CACNA1S: variants seen among roughly 807,000 people sequenced by gnomAD.
CACNA1S encodes the protein voltage-dependent L-type calcium channel subunit alpha-1S.
A neutral mutation model predicts 207.4 loss-of-function variants in CACNA1S; 126 were observed. The observed-to-expected ratio is 0.61, with a 90% CI of 0.53 to 0.70. The LOEUF (loss-of-function observed/expected upper bound fraction) is 0.70. Ranked by LOEUF, CACNA1S falls within the 30% of genes least tolerant of loss-of-function variation. The pLI is 0.00. For synonymous variants in CACNA1S, 960 were observed against 932.7 expected (o/e 1.03, Z -0.53); for missense variants, 2,349 against 2,422.8 (o/e 0.97, Z 0.64).
chr1:201,112,135 A>G (rs1399069475), intron 1 of CACNA1S, 53 bp downstream of exon 1: 51 of 1,493,466 alleles, frequency 3.4e-5, no homozygotes, highest in Non-Finnish European at 4.6e-5. Flanking sequence ...ATCACCCCGA[A>G]TCCCTCCCTC....
intron 29 of CACNA1S, among the ~76,000 whole-genome samples, chr1:201,054,036 A>G (rs1373281240): frequency 2.6e-5 from 4 of 152,140 alleles, no homozygotes; most frequent in African/African-American, 9.7e-5. Context: ...CCACAAACTC[A>G]ATGTGGCTAC....
At chr1:201,063,447 G>A (rs1661139702) in intron 22 of CACNA1S, among the ~76,000 whole-genome samples, 2 of 151,964 alleles carry the variant, frequency 1.3e-5, no homozygotes, top group South Asian at 4.2e-4. Flanking sequence ...GTGCCATCAT[G>A]CCCAGCTAAT....
At chr1:201,106,681 C>T (rs1662905141) in intron 2 of CACNA1S, among the ~76,000 whole-genome samples, 1 of 152,142 alleles carries the variant, frequency 6.6e-6, no homozygotes, top group Non-Finnish European at 1.5e-5. Flanking sequence ...CCACAAGCGC[C>T]TCCTCCTAAT....
At chr1:201,071,431 T>C (rs149427585) in intron 16 of CACNA1S, among the ~76,000 whole-genome samples, 1 of 152,226 alleles carries the variant, frequency 6.6e-6, no homozygotes, top group Admixed American at 6.5e-5. Flanking sequence ...GCAGAGACCA[T>C]TAATTCTTCG....
At chr1:201,085,258 T>G (rs1307594306) in intron 8 of CACNA1S, among the ~76,000 whole-genome samples, 178 bp downstream of exon 8, 1 of 152,170 alleles carries the variant, frequency 6.6e-6, no homozygotes, top group Non-Finnish European at 1.5e-5. Context: ...CAAGTACCTT[T>G]GGGAAGAGCT....
intron 2 of CACNA1S, among the ~76,000 whole-genome samples, chr1:201,104,301 C>G (rs113973867): frequency 0.03 from 4,601 of 152,278 alleles, 101 homozygotes; most frequent in Middle Eastern, 0.048. Flanking sequence ...CCCTGCCCCT[C>G]CCCCTCACAA....
intron 2 of CACNA1S, among the ~76,000 whole-genome samples, chr1:201,098,816 T>C (rs1662533276): frequency 6.6e-6 from 1 of 152,088 alleles, no homozygotes. Context: ...AGAGCTCCCT[T>C]ACCTCACCCC....
rs199852936 is a variant in CACNA1S, at chr1:201,075,484, C to A, written c.1948+11G>T. 2 of 1,613,574 alleles carry A rather than the reference C, an allele frequency of 1.2e-6. No individual in the cohort carries two copies. The highest frequency in any genetic ancestry group is 3.3e-5 in the Admixed American group (2 of 59,976). On this transcript the variant is annotated intron_variant, in intron 13 of 43. Transcript: ENST00000362061. ...TAAGCTCTTTTCTGCACCCTGCTCC[C>A]GAGAGGATACAGTTGCCACAGACGA...
chr1:201,083,186 G>C lies in CACNA1S; in HGVS notation c.1369C>G (p.Pro457Ala). The change falls in exon 10 of 44, where the codon CCT (proline) becomes GCT (alanine). Residue 457 changes from proline (P) to alanine (A), a missense_variant. By Grantham distance (27) the Pro-to-Ala change is conservative. Transcript: ENST00000362061. ...CCTTGCAAACGGGTCAGCCAGAGAGGCTGGTTGTGGTGCTCTGAGGCGATA... is the reference window on the plus strand; with the variant it reads ...CCTTGCAAACGGGTCAGCCAGAGAGCCTGGTTGTGGTGCTCTGAGGCGATA... ...LSIASEHHNQ[P>A]LWLTRLQDIA... 1.9e-6 allele frequency: 3 copies of C among 1,614,200 alleles called. No homozygotes were observed. Among genetic ancestry groups the C allele is most frequent in the Non-Finnish European group, 1.7e-6 (2 of 1,180,028 alleles).
chr1:201,096,605 G>A (rs766382719), intron 2 of CACNA1S, among the ~76,000 whole-genome samples: 1 of 152,180 alleles, frequency 6.6e-6, no homozygotes, highest in Admixed American at 6.5e-5. Context: ...GAAGATGTAT[G>A]GTGTGACGGT....
At chr1:201,049,314 G>T (rs968664360) in intron 34 of CACNA1S, among the ~76,000 whole-genome samples, 2 of 152,226 alleles carry the variant, frequency 1.3e-5, no homozygotes, top group African/African-American at 2.4e-5. Flanking sequence ...CCCCAAAATA[G>T]GCTCTCTCCT....
chr1:201,064,946 G>A (rs755637571), intron 22 of CACNA1S, among the ~76,000 whole-genome samples: 2 of 152,246 alleles, frequency 1.3e-5, no homozygotes, highest in African/African-American at 4.8e-5. Flanking sequence ...CTGCACTGAC[G>A]GAGGCGGAGT....
intron 2 of CACNA1S, among the ~76,000 whole-genome samples, chr1:201,100,032 T>C (rs1162232520): frequency 6.6e-6 from 1 of 152,134 alleles, no homozygotes; most frequent in African/African-American, 2.4e-5. Flanking sequence ...CCCTGTCACC[T>C]GCACACTGCC....
chr1:201,079,850 C>T (rs984050824), intron 10 of CACNA1S, among the ~76,000 whole-genome samples: 1 of 152,140 alleles, frequency 6.6e-6, no homozygotes, highest in Non-Finnish European at 1.5e-5. Flanking sequence ...ATTGCTGCAA[C>T]ATTCTGTATA....
At chr1:201,110,549 G>A (rs1305125870) in intron 1 of CACNA1S, among the ~76,000 whole-genome samples, 1 of 152,180 alleles carries the variant, frequency 6.6e-6, no homozygotes. Context: ...GGGCTCCTCA[G>A]CTTTAAGGCC....
At chr1:201,074,409 C>T in intron 14 of CACNA1S, 97 bp downstream of exon 14, 2 of 772,976 alleles carry the variant, frequency 2.6e-6, no homozygotes, top group South Asian at 1.5e-5. Context: ...ATGTCAGGGA[C>T]CCTGATCATT....
Position 201,066,892 on chromosome 1 carries a change from T to C in CACNA1S, c.2652A>G (p.Gly884=), listed in dbSNP as rs891269139. Reference sequence around the variant, plus strand: ...TGGCCCTTGCCGCTGCTCACTCAAGTCCCATGGAGATGAGGGACACGGCCA... The same window carrying C: ...TGGCCCTTGCCGCTGCTCACTCAAGCCCCATGGAGATGAGGGACACGGCCA... ...LVVAVSLISM[G]LESSAISVVK... Residue 884 remains glycine, a synonymous_variant, in exon 20 of 44, where the codon GGA becomes GGG. Coordinates refer to ENST00000362061, the MANE Select transcript of CACNA1S (RefSeq NM_000069.3). The surrounding 1 kb of genome is among the most constrained non-coding windows in gnomAD (Gnocchi z 4.3). 4 of 1,613,098 alleles carry C rather than the reference T, an allele frequency of 2.5e-6. No individual in the cohort carries two copies. The African/African-American group carries it at 5.3e-5, about 22-fold the overall frequency.
chr1:201,092,691 G>A (rs779226735), intron 3 of CACNA1S, among the ~76,000 whole-genome samples: 10 of 152,166 alleles, frequency 6.6e-5, no homozygotes, highest in Non-Finnish European at 8.8e-5. Context: ...ACAACAATGC[G>A]CTGTGAGGTA....
At position 201,053,617 on chromosome 1, in the gene CACNA1S, T is replaced by TG; in HGVS notation, c.3667-31dup. ...GGGGCAGCAGCCCCAGAGGTCAGTCTGGGGGCAGAACCTCAGAGGGGTAAG... is the reference window on the plus strand; with the variant it reads ...GGGGCAGCAGCCCCAGAGGTCAGTCTGGGGGGCAGAACCTCAGAGGGGTAAG... On this transcript the variant is annotated intron_variant, in intron 29 of 43. Transcript: ENST00000362061. The surrounding 1 kb of genome is among the most constrained non-coding windows in gnomAD (Gnocchi z 5.1). The TG allele has an allele frequency of 1.3e-6, 2 of 1,543,294 alleles. No individual in the cohort carries two copies. The highest frequency in any genetic ancestry group is 8.8e-7 in the Non-Finnish European group (1 of 1,136,100).
Sources: gnomAD v4.1 joint callset for allele counts (sites outside exome capture counted in the v4.1 genomes callset) on GRCh38, gnomAD v4.1.1 for gene constraint, Gnocchi (gnomAD v3.1) non-coding constraint, MANE v1.5 for transcripts, NCBI Gene and HGNC (gene_info 2026-07-23, HGNC 2026-07-21) for gene names.